MIER1: variants seen among roughly 807,000 people sequenced by gnomAD.
MIER1 encodes mesoderm induction early response protein 1.
Under a neutral mutation model 75.7 loss-of-function variants are expected in MIER1, and 40 were observed. The ratio of observed to expected loss-of-function variants is 0.53; its 90% CI spans 0.41 to 0.69. MIER1 has a LOEUF of 0.69. Among genes scored for constraint, MIER1 ranks in the 30% least tolerant of loss-of-function variants. MIER1 has a pLI of 0.00. For missense variants in MIER1, 574 were observed against 680.2 expected, an observed-to-expected ratio of 0.84 and a Z score of 1.74; for synonymous variants, 213 against 223.4, an observed-to-expected ratio of 0.95 and a Z score of 0.42.
intron 8 of MIER1, among the ~76,000 whole-genome samples, chr1:66,964,135 G>A (rs1661836395): frequency 7.0e-6 from 1 of 143,108 alleles, no homozygotes; most frequent in Non-Finnish European, 1.5e-5. Context: ...GCAATGGCAT[G>A]ATCTCGGCTC....
At chr1:66,932,291 A>G (rs571913458) in intron 2 of MIER1, among the ~76,000 whole-genome samples, 2 of 152,336 alleles carry the variant, frequency 1.3e-5, no homozygotes, top group South Asian at 4.1e-4. Flanking sequence ...GGATTGTTCA[A>G]CTGCAAGAAG....
intron 4 of MIER1, among the ~76,000 whole-genome samples, chr1:66,954,032 A>G (rs1375177615): frequency 6.6e-6 from 1 of 152,226 alleles, no homozygotes; most frequent in Non-Finnish European, 1.5e-5. Flanking sequence ...GGTACAAGGA[A>G]TATATGGAAC....
At chr1:66,976,077 C>G (rs577088907) in intron 11 of MIER1, among the ~76,000 whole-genome samples, 1 of 151,934 alleles carries the variant, frequency 6.6e-6, no homozygotes, top group Non-Finnish European at 1.5e-5. Flanking sequence ...AGCCTCTGCC[C>G]CCACCCCCAC....
intron 3 of MIER1, among the ~76,000 whole-genome samples, chr1:66,945,249 TTAAA>T (rs1422956726): frequency 6.8e-6 from 1 of 147,650 alleles, no homozygotes; most frequent in Non-Finnish European, 1.5e-5. Context: ...CTTATATGCT[TTAAA>T]TAATCTGGTG....
At chr1:66,974,159 A>C (rs567814530) in intron 11 of MIER1, among the ~76,000 whole-genome samples, 145 of 152,038 alleles carry the variant, frequency 9.5e-4, no homozygotes, top group African/African-American at 3.4e-3. Context: ...GTTCATTCTT[A>C]ATTATTTTGT....
In MIER1 at chr1:66,986,090, C is replaced by G; in HGVS notation, c.*1190C>G. The G allele has an allele frequency of 1.9e-6, 2 of 1,064,108 alleles. No homozygotes were observed. The highest frequency in any genetic ancestry group is 2.3e-6 in the Non-Finnish European group (2 of 880,470). 65.9% of individuals were successfully genotyped at this position (1,064,108 alleles called of 1,614,324 possible). A position where few individuals can be genotyped will look rare whatever the true frequency, so the allele number is the denominator to read the frequency against. ...CAAGTGATACTTAGATATTGGCACA[C>G]ACAAGGAACAACTGTTGGCAGGCAG... On this transcript the variant is annotated 3_prime_UTR_variant, in exon 14 of 14. Transcript: ENST00000401041.
In MIER1 at chr1:66,986,373, A is replaced by G. The variant is rs1558133661; in HGVS notation, c.*1473A>G. The G allele has an allele frequency of 1.9e-6, 3 of 1,603,286 alleles. No individual in the cohort carries two copies. The highest frequency in any genetic ancestry group is 1.3e-5 in the African/African-American group (1 of 74,432). On this transcript the variant is annotated 3_prime_UTR_variant, in exon 14 of 14. Coordinates refer to ENST00000401041, the MANE Select transcript of MIER1 (RefSeq NM_001077700.3). Reference sequence around the variant, plus strand: ...CAACCTATATCCAAACTTTTATAAAATATTAATTATTCTTGTTTTTCTCAC... The same window carrying G: ...CAACCTATATCCAAACTTTTATAAAGTATTAATTATTCTTGTTTTTCTCAC...
chr1:66,961,877 T>C (rs1294728304), intron 7 of MIER1, among the ~76,000 whole-genome samples: 1 of 152,224 alleles, frequency 6.6e-6, no homozygotes, highest in Non-Finnish European at 1.5e-5. Flanking sequence ...AAACTGATCA[T>C]GAGAAAGATT....
At chr1:66,940,660 T>C (rs1656000280) in intron 3 of MIER1, among the ~76,000 whole-genome samples, 1 of 152,208 alleles carries the variant, frequency 6.6e-6, no homozygotes, top group Admixed American at 6.5e-5. Flanking sequence ...CCTGTGATCT[T>C]TGAATCAGAT....
chr1:66,985,599 T>C lies in MIER1; in HGVS notation c.*699T>C, dbSNP rs1666669837. On this transcript the variant is annotated 3_prime_UTR_variant, in exon 14 of 14. Transcript: ENST00000401041. ...CTTTGAAAGATTTTTACAGTACATA[T>C]GTCTTGACTGAGCTGTCCTTTCTTA... is the stretch of plus-strand genomic sequence containing the variant. 2.0e-6 allele frequency: 2 copies of C among 985,176 alleles called. No individual in the cohort carries two copies. Among genetic ancestry groups the C allele is most frequent in the South Asian group, 4.7e-5 (1 of 21,298 alleles). The allele number at this position is 985,176 out of a possible 1,614,324, so 61.0% of individuals were successfully genotyped here. A position where few individuals can be genotyped will look rare whatever the true frequency, so the allele number is the denominator to read the frequency against.
intron 7 of MIER1, among the ~76,000 whole-genome samples, chr1:66,962,873 T>C (rs2101759561): frequency 6.6e-6 from 1 of 152,318 alleles, no homozygotes; most frequent in South Asian, 2.1e-4. Context: ...ATTTATTGTT[T>C]ACGTTGCATT....
chr1:66,930,785 G>T (rs997513257), intron 2 of MIER1, among the ~76,000 whole-genome samples: 9 of 152,152 alleles, frequency 5.9e-5, no homozygotes, highest in Non-Finnish European at 1.3e-4. Flanking sequence ...CCGAGATGCT[G>T]TTGCGCCCTT....
In MIER1 at chr1:66,950,004, T is replaced by C. The variant is rs3008869; in HGVS notation, c.339+3709T>C. Among the ~76,000 whole-genome samples the C allele has an allele frequency of 4.4e-3, 675 of 152,354 alleles. 5 individuals are homozygous for C. The highest frequency in any genetic ancestry group is 0.016 in the African/African-American group (645 of 41,578). The stretch of plus-strand genomic sequence containing the variant: ...GCATGGATTATGACAATATAAAAGA[T>C]AAGTGTTTTAATAAAATTGGGTGTA... On this transcript the variant is annotated intron_variant, in intron 4 of 13. Coordinates refer to ENST00000401041, the MANE Select transcript of MIER1 (RefSeq NM_001077700.3).
rs1655852117 is a variant in MIER1, at chr1:66,940,181, A to G, written c.193+129A>G. The G allele has an allele frequency of 1.3e-5, 8 of 613,362 alleles. No individual in the cohort carries two copies. In the East Asian group the frequency reaches 2.4e-4, roughly 19 times the overall value. 38.0% of individuals were successfully genotyped at this position (613,362 alleles called of 1,614,324 possible). ...TCTGAATGCTTCTTTTCTCTGGGGAAAAAGAAATGGATGAAAGGTTTGACT... is the reference window on the plus strand; with the variant it reads ...TCTGAATGCTTCTTTTCTCTGGGGAGAAAGAAATGGATGAAAGGTTTGACT... On this transcript the variant is annotated intron_variant, in intron 3 of 13. Coordinates refer to ENST00000401041, the MANE Select transcript of MIER1 (RefSeq NM_001077700.3).
intron 2 of MIER1, among the ~76,000 whole-genome samples, chr1:66,930,770 C>A (rs1653070931): frequency 6.6e-6 from 1 of 152,106 alleles, no homozygotes; most frequent in Non-Finnish European, 1.5e-5. Flanking sequence ...TTTTTCCCTT[C>A]CTAACCGAGA....
chr1:66,943,990 A>AT (rs5774850), intron 3 of MIER1, among the ~76,000 whole-genome samples: 9 of 149,412 alleles, frequency 6.0e-5, no homozygotes, highest in South Asian at 2.1e-4. Flanking sequence ...TTGAGTTTTT[A>AT]TTTTTTTTTT....
chr1:66,946,102 G>A, intron 3 of MIER1, 48 bp from the exon 4 acceptor site: 1 of 1,538,196 alleles, frequency 6.5e-7, no homozygotes, highest in Non-Finnish European at 8.7e-7. Context: ...ATATTAATAA[G>A]ATCCACTTAA....
intron 10 of MIER1, 84 bp from the exon 11 acceptor site, chr1:66,972,810 GAGA>G (rs1663967498): frequency 1.5e-6 from 1 of 677,050 alleles, no homozygotes; most frequent in South Asian, 1.9e-5. Flanking sequence ...TCATTTTTAC[GAGA>G]AGGTTAAGTT....
chr1:66,939,649 T>TAATCA (rs1655708493), intron 2 of MIER1, among the ~76,000 whole-genome samples: 1 of 152,160 alleles, frequency 6.6e-6, no homozygotes, highest in Non-Finnish European at 1.5e-5. Flanking sequence ...ACCAGCTTGA[T>TAATCA]AGCAAACTTT....
Sources: gnomAD v4.1 joint callset for allele counts (sites outside exome capture counted in the v4.1 genomes callset) on GRCh38, gnomAD v4.1.1 for gene constraint, MANE v1.5 for transcripts, NCBI Gene and HGNC (gene_info 2026-07-23, HGNC 2026-07-21) for gene names.